The following CRPPA variants were observed in gnomAD, a reference collection of about 807,000 sequenced individuals.
CRPPA encodes the protein D-ribitol-5-phosphate cytidylyltransferase.
CRPPA carries 43 observed loss-of-function variants against 52.0 expected under a neutral mutation model. That is an observed-to-expected ratio of 0.83 (90% CI 0.65 to 1.07). The LOEUF is 1.07. CRPPA is among the 50% of genes least tolerant of loss of function. The pLI is 0.00. For missense variants in CRPPA, 629 were observed against 551.7 expected, an observed-to-expected ratio of 1.14 and a Z score of -1.40; for synonymous variants, 250 against 203.5, an observed-to-expected ratio of 1.23 and a Z score of -1.94.
chr7:16,214,612 C>T (rs1782252251), intron 9 of CRPPA, among the ~76,000 whole-genome samples: 1 of 152,120 alleles, frequency 6.6e-6, no homozygotes, highest in Admixed American at 6.5e-5. Context: ...TCAAGTGATT[C>T]TCCCACCTCA....
rs141044604 is a variant in CRPPA at position 16,238,416 on chromosome 7, A to C, written c.1119+19974T>G. Among the ~76,000 whole-genome samples, 965 of 152,296 alleles carry C rather than the reference A, an allele frequency of 6.3e-3. 16 individuals carry two copies. The highest frequency in any genetic ancestry group is 0.023 in the African/African-American group (947 of 41,562). ...AGTTTAAAATGAATTGGTAAGAAGA[A>C]ACAGTGTGAGCATTACTCAATATGG... On this transcript the variant is annotated intron_variant, in intron 8 of 9. Transcript: ENST00000407010.
intron 5 of CRPPA, among the ~76,000 whole-genome samples, chr7:16,279,846 C>T (rs1583488636): frequency 6.6e-6 from 1 of 152,154 alleles, no homozygotes; most frequent in Non-Finnish European, 1.5e-5. Context: ...TTTGTTTTCA[C>T]ACTCCTGATA....
At chr7:16,204,880 T>C (rs1175202967) in intron 9 of CRPPA, among the ~76,000 whole-genome samples, 1 of 152,210 alleles carries the variant, frequency 6.6e-6, no homozygotes, top group Non-Finnish European at 1.5e-5. Flanking sequence ...AAATCATAAC[T>C]TGGTAACGTT....
At chr7:16,124,889 C>G (rs17359294) in intron 9 of CRPPA, among the ~76,000 whole-genome samples, 44,759 of 151,746 alleles carry the variant, frequency 0.29, 7,876 homozygotes, top group Admixed American at 0.4. Flanking sequence ...ATATAATCTC[C>G]TATTTTCATT....
At chr7:16,336,612 A>G (rs377295658) in intron 3 of CRPPA, among the ~76,000 whole-genome samples, 4 of 152,042 alleles carry the variant, frequency 2.6e-5, no homozygotes, top group African/African-American at 9.6e-5. Flanking sequence ...AAACAAAGTT[A>G]CAAACTGGCA....
At chr7:16,104,868 C>T (rs1441460380) in intron 9 of CRPPA, among the ~76,000 whole-genome samples, 1 of 151,364 alleles carries the variant, frequency 6.6e-6, no homozygotes, top group African/African-American at 2.4e-5. Context: ...CCACTGCACT[C>T]CAGCCTGGGC....
At chr7:16,373,028 C>A (rs140578418) in intron 3 of CRPPA, among the ~76,000 whole-genome samples, 95 of 152,344 alleles carry the variant, frequency 6.2e-4, no homozygotes, top group African/African-American at 1.8e-3. Context: ...AGTGTGGTGG[C>A]TCATGCCTGT....
intron 2 of CRPPA, among the ~76,000 whole-genome samples, chr7:16,398,450 C>A (rs944904618): frequency 1.2e-4 from 19 of 152,050 alleles, no homozygotes; most frequent in Admixed American, 3.3e-4. Context: ...GTTTGTGACA[C>A]GTGACTCACG....
intron 1 of CRPPA, among the ~76,000 whole-genome samples, chr7:16,414,290 G>A (rs919149794): frequency 1.7e-4 from 25 of 148,632 alleles, no homozygotes; most frequent in African/African-American, 6.2e-4. Flanking sequence ...AATCCCTTTT[G>A]CTGTAGTTGT....
At chr7:16,099,211 C>T (rs545451086) in intron 9 of CRPPA, among the ~76,000 whole-genome samples, 1 of 150,750 alleles carries the variant, frequency 6.6e-6, no homozygotes, top group Admixed American at 6.6e-5. Flanking sequence ...AATGATTGTG[C>T]CACTGCACTG....
At chr7:16,407,192 AG>A (rs1292832356) in intron 1 of CRPPA, among the ~76,000 whole-genome samples, 2 of 152,130 alleles carry the variant, frequency 1.3e-5, no homozygotes, top group Non-Finnish European at 2.9e-5. Context: ...TGCCCAGGCT[AG>A]TCTTCAACTC....
intron 3 of CRPPA, among the ~76,000 whole-genome samples, chr7:16,365,121 A>C (rs1369703493): frequency 6.6e-6 from 1 of 152,158 alleles, no homozygotes; most frequent in Non-Finnish European, 1.5e-5. Flanking sequence ...CAGCAGCCAG[A>C]GTCTCTGATT....
chr7:16,367,239 C>A (rs1355848220), intron 3 of CRPPA, among the ~76,000 whole-genome samples: 3 of 151,986 alleles, frequency 2.0e-5, no homozygotes, highest in African/African-American at 7.2e-5. Context: ...GCCCACTGTG[C>A]CCCCTATCCT....
chr7:16,143,237 A>G (rs1329159393), intron 9 of CRPPA, among the ~76,000 whole-genome samples: 1 of 152,202 alleles, frequency 6.6e-6, no homozygotes, highest in Admixed American at 6.5e-5. Context: ...GAAGCAGTTG[A>G]GAGTACAAGA....
chr7:16,092,474 C>T (rs539099078), intron 9 of CRPPA, among the ~76,000 whole-genome samples: 10 of 152,212 alleles, frequency 6.6e-5, no homozygotes, highest in Admixed American at 2.0e-4. Context: ...ATCCTTAATG[C>T]CTTATCCCAA....
intron 3 of CRPPA, among the ~76,000 whole-genome samples, chr7:16,317,456 T>C (rs990739334): frequency 6.6e-6 from 1 of 152,182 alleles, no homozygotes; most frequent in African/African-American, 2.4e-5. Context: ...GTAGAGGCAT[T>C]CTACTTTCTC....
intron 9 of CRPPA, among the ~76,000 whole-genome samples, chr7:16,147,022 T>C (rs1782986844): frequency 6.6e-6 from 1 of 152,160 alleles, no homozygotes; most frequent in African/African-American, 2.4e-5. Context: ...AAGAAACTCA[T>C]TTAGGAACTC....
At chr7:16,394,659 A>G (rs1787525978) in intron 2 of CRPPA, among the ~76,000 whole-genome samples, 1 of 152,208 alleles carries the variant, frequency 6.6e-6, no homozygotes, top group Admixed American at 6.5e-5. Context: ...CTTCAAGAGC[A>G]GAAACCATCC....
intron 3 of CRPPA, among the ~76,000 whole-genome samples, chr7:16,371,066 C>G (rs1314639936): frequency 2.0e-5 from 3 of 152,172 alleles, no homozygotes; most frequent in Non-Finnish European, 4.4e-5. Context: ...TCCTGCTGGC[C>G]TGGCAGGGGA....
Sources: allele counts gnomAD v4.1 joint callset (sites outside exome capture counted in the v4.1 genomes callset), GRCh38; gene constraint gnomAD v4.1.1; transcripts MANE v1.5; gene names NCBI Gene and HGNC (gene_info 2026-07-23, HGNC 2026-07-21).